The following PAX6 variants were observed in gnomAD, a reference collection of about 807,000 sequenced individuals.
The protein encoded by PAX6 is paired box 6.
PAX6 carries 7 observed loss-of-function variants against 60.7 expected under a neutral mutation model. The observed-to-expected ratio is 0.12, with a 90% CI of 0.07 to 0.22. The LOEUF is 0.22. Among genes scored for constraint, PAX6 ranks in the 10% least tolerant of loss-of-function variants. The pLI is 1.00. For missense variants in PAX6, 355 were observed against 555.2 expected, an observed-to-expected ratio of 0.64 and a Z score of 3.62; for synonymous variants, 208 against 201.2, an observed-to-expected ratio of 1.03 and a Z score of -0.29.
Position 31,810,835 on chromosome 11 carries a change from A to G in PAX6, c.-136T>C. 1 of 399,126 alleles carries G rather than the reference A, an allele frequency of 2.5e-6. No individual in the cohort carries two copies. The allele number at this position is 399,126 out of a possible 1,614,324, so 24.7% of individuals were successfully genotyped here. On this transcript the variant is annotated 5_prime_UTR_variant, in exon 2 of 14. Coordinates refer to ENST00000640368, the MANE Select transcript of PAX6 (RefSeq NM_001368894.2). ...AGAAAGAAGCGGACTCACCTTTATG[A>G]GGCATCCTTTCTGGTTGTCACAGCT...
chr11:31,812,445 C>T (rs1269487681), upstream of PAX6: 1 of 152,732 alleles, frequency 6.5e-6, no homozygotes, highest in Non-Finnish European at 1.5e-5. Flanking sequence ...TGGGTCTGCT[C>T]AGTCCACGGA....
At chr11:31,792,978 C>A in intron 12 of PAX6, 1 of 428,970 alleles carries the variant, frequency 2.3e-6, no homozygotes, top group Non-Finnish European at 4.2e-6. Flanking sequence ...TTTTTTCTTT[C>A]TCACTAGTTT....
intron 12 of PAX6, chr11:31,792,967 C>T (rs759615598): frequency 7.4e-6 from 3 of 407,886 alleles, no homozygotes; most frequent in South Asian, 3.4e-5. Flanking sequence ...ATTTCTGATC[C>T]TTTTTTCTTT....
At chr11:31,816,294 T>C, upstream of PAX6, 4 of 424,358 alleles carry the variant, frequency 9.4e-6, no homozygotes, top group Non-Finnish European at 4.2e-6. Context: ...ATTCCAGTCA[T>C]CCAAATTCTA....
chr11:31,806,054 C>A (rs1407998874), intron 4 of PAX6: 1 of 351,078 alleles, frequency 2.8e-6, no homozygotes, highest in Admixed American at 4.8e-5. Context: ...TCGCCCCGCC[C>A]TGATCAGCCC....
chr11:31,793,631 A>G (rs1259288669), intron 11 of PAX6, 21 bp downstream of exon 11: 1 of 1,614,000 alleles, frequency 6.2e-7, no homozygotes, highest in African/African-American at 1.3e-5. Flanking sequence ...ATTGATTCGT[A>G]GTATTAGTAT....
intron 8 of PAX6, 67 bp from the exon 9 acceptor site, chr11:31,794,855 G>A: frequency 6.1e-6 from 9 of 1,478,278 alleles, no homozygotes; most frequent in Non-Finnish European, 8.5e-6. Context: ...AAGGGGCCTG[G>A]TGTAGTCTTA....
chr11:31,797,265 T>C (rs1165276117), intron 8 of PAX6, among the ~76,000 whole-genome samples: 12 of 152,080 alleles, frequency 7.9e-5, no homozygotes, highest in African/African-American at 2.7e-4. Flanking sequence ...TTAAACAAAG[T>C]TGCCCGAATC....
rs369596046 is a variant in PAX6 at position 31,801,500 on chromosome 11, G to T, written c.399+61C>A. On this transcript the variant is annotated intron_variant, in intron 7 of 13. Coordinates refer to ENST00000640368, the MANE Select transcript of PAX6 (RefSeq NM_001368894.2). ...ACAGTGGAGAGAGAGGGTGGGAGGA[G>T]GTAAAGAGGAGAGAGCATTGGGCTT... 3.7e-6 allele frequency: 6 copies of T among 1,612,204 alleles called. No individual in the cohort carries two copies. The African/African-American group carries it at 8.0e-5, about 22-fold the overall frequency.
upstream of PAX6, chr11:31,814,981 G>A (rs757391002): frequency 9.0e-6 from 1 of 111,484 alleles, no homozygotes; most frequent in Admixed American, 8.7e-5. Context: ...CGCTCTGGGA[G>A]GCCAGCCTGT....
At chr11:31,799,388 T>C (rs1440663520) in intron 8 of PAX6, among the ~76,000 whole-genome samples, 2 of 152,138 alleles carry the variant, frequency 1.3e-5, no homozygotes, top group African/African-American at 2.4e-5. Flanking sequence ...CTTTGCTCCC[T>C]ATCTTCCCAG....
In PAX6 at chr11:31,800,719, C is replaced by G. The variant is rs374226064; in HGVS notation, c.537G>C (p.Gly179=). ...SWGTRPGWYP[G]TSVPGQPTQD... is the part of the protein sequence containing the mutation. ...GCGTAGGTTGCCCTGGCACCGAAGT[C>G]CCCGGATACCAACCAGGGCGGGTGC... Residue 179 remains glycine, a synonymous_variant, in exon 8 of 14, where the codon GGG becomes GGC. Transcript: ENST00000640368. 1.0e-4 allele frequency: 166 copies of G among 1,614,074 alleles called. No homozygotes were observed. The highest frequency in any genetic ancestry group is 1.2e-4 in the Non-Finnish European group (147 of 1,180,036).
intron 8 of PAX6, among the ~76,000 whole-genome samples, chr11:31,800,199 A>G (rs1953179745): frequency 6.6e-6 from 1 of 151,926 alleles, no homozygotes; most frequent in South Asian, 2.1e-4. Context: ...ACCACTTCCA[A>G]TGCCCCATCC....
At chr11:31,803,745 T>C (rs1276272992) in intron 4 of PAX6, 4 of 152,666 alleles carry the variant, frequency 2.6e-5, no homozygotes, top group African/African-American at 9.7e-5. Context: ...AGGATAGATA[T>C]TATCAAAAAG....
intron 8 of PAX6, among the ~76,000 whole-genome samples, chr11:31,798,670 G>A (rs965361364): frequency 1.3e-5 from 2 of 152,204 alleles, no homozygotes; most frequent in East Asian, 3.9e-4. Context: ...GCGGGTGGGG[G>A]GGTGGTGATT....
At chr11:31,790,064 G>T in intron 13 of PAX6, 45 bp from the exon 14 acceptor site, 1 of 325,948 alleles carries the variant, frequency 3.1e-6, no homozygotes, top group Non-Finnish European at 5.3e-6. Flanking sequence ...TTCCCTTTGA[G>T]AAACAGACAT....
At chr11:31,812,847 T>C (rs1957180511), upstream of PAX6, 3 of 152,224 alleles carry the variant, frequency 2.0e-5, no homozygotes, top group Non-Finnish European at 2.9e-5. Context: ...AGCTCATCAA[T>C]AAAATCTGCG....
chr11:31,794,797 A>G lies in PAX6; in HGVS notation c.566-9T>C. 6.2e-7 allele frequency: 1 copy of G among 1,614,062 alleles called. No homozygotes were observed. The highest frequency in any genetic ancestry group is 8.5e-7 in the Non-Finnish European group (1 of 1,179,954). ...CTGTTGCTGGCAGCCATCTGGAACA[A>G]AAAGAATAGGATGGTAAGAGAAATT... is the stretch of plus-strand genomic sequence containing the variant. On this transcript the variant is annotated splice_polypyrimidine_tract_variant and intron_variant, in intron 8 of 13. Transcript: ENST00000640368.
At chr11:31,802,203 T>C in intron 5 of PAX6, 1 of 432,794 alleles carries the variant, frequency 2.3e-6, no homozygotes, top group Non-Finnish European at 4.1e-6. Flanking sequence ...TACTTCTTCT[T>C]CTTTAAAAAA....
Sources: gnomAD v4.1 joint callset for allele counts (sites outside exome capture counted in the v4.1 genomes callset) on GRCh38, gnomAD v4.1.1 for gene constraint, MANE v1.5 for transcripts, NCBI Gene and HGNC (gene_info 2026-07-23, HGNC 2026-07-21) for gene names.